The following BCR variants were observed in gnomAD, a reference collection of about 807,000 sequenced individuals.
The protein encoded by BCR is breakpoint cluster region protein.
A neutral mutation model predicts 138.6 loss-of-function variants in BCR; 58 were observed. The ratio of observed to expected loss-of-function variants is 0.42; its 90% CI spans 0.34 to 0.52. The LOEUF (loss-of-function observed/expected upper bound fraction) is 0.52. BCR is among the 20% of genes least tolerant of loss of function. BCR has a pLI of 0.06. For synonymous variants in BCR, 786 were observed against 730.1 expected (o/e 1.08, Z -1.23); for missense variants, 1,599 against 1,727.2 (o/e 0.93, Z 1.32).
chr22:23,307,687 C>G (rs1212218467), intron 16 of BCR: 2 of 151,270 alleles, frequency 1.3e-5, no homozygotes, highest in Non-Finnish European at 2.9e-5. Flanking sequence ...GTCCCGCCGC[C>G]CTTTGCTTCT....
intron 16 of BCR, chr22:23,302,819 T>C (rs1188955910): frequency 1.3e-5 from 2 of 152,186 alleles, no homozygotes; most frequent in Admixed American, 1.3e-4. Flanking sequence ...GCGTGAGTCA[T>C]GAATGCCCTT....
chr22:23,298,314 A>T (rs1568980077), intron 16 of BCR, among the ~76,000 whole-genome samples: 7 of 152,196 alleles, frequency 4.6e-5, no homozygotes, highest in Admixed American at 4.6e-4. Flanking sequence ...TAGCAAGGGC[A>T]GGGGGTTCTG....
intron 1 of BCR, among the ~76,000 whole-genome samples, chr22:23,246,039 C>T (rs544926592): frequency 6.6e-6 from 1 of 152,282 alleles, no homozygotes; most frequent in South Asian, 2.1e-4. Flanking sequence ...TGGAGTCATA[C>T]AACATGTGGC....
intron 1 of BCR, among the ~76,000 whole-genome samples, chr22:23,212,724 G>A (rs1307506772): frequency 6.6e-6 from 1 of 152,206 alleles, no homozygotes; most frequent in African/African-American, 2.4e-5. Flanking sequence ...GCTTCCATGG[G>A]CTGCTCACTC....
intron 1 of BCR, among the ~76,000 whole-genome samples, chr22:23,249,386 C>T (rs1009945976): frequency 7.3e-5 from 11 of 150,056 alleles, no homozygotes; most frequent in Admixed American, 7.3e-4. Context: ...GAGCCGAAAT[C>T]GCGCCACTGC....
At chr22:23,272,981 G>T in intron 6 of BCR, 100 bp from the exon 7 acceptor site, 1 of 1,330,666 alleles carries the variant, frequency 7.5e-7, no homozygotes, top group East Asian at 2.3e-5. Flanking sequence ...TGTGGAGGCT[G>T]GGGCAGCCCC....
intron 16 of BCR, among the ~76,000 whole-genome samples, chr22:23,295,473 T>G (rs911848771): frequency 6.6e-6 from 1 of 152,128 alleles, no homozygotes; most frequent in Non-Finnish European, 1.5e-5. Flanking sequence ...TTAGATGGTG[T>G]CCTAGGCTGA....
At chr22:23,251,494 A>G (rs983498000) in intron 1 of BCR, among the ~76,000 whole-genome samples, 1 of 152,206 alleles carries the variant, frequency 6.6e-6, no homozygotes, top group Non-Finnish European at 1.5e-5. Flanking sequence ...AGAGGTGTGC[A>G]AGGAAGCCGG....
At chr22:23,219,448 T>A (rs2072797128) in intron 1 of BCR, among the ~76,000 whole-genome samples, 1 of 152,236 alleles carries the variant, frequency 6.6e-6, no homozygotes, top group Non-Finnish European at 1.5e-5. Flanking sequence ...CCTTTGGCTG[T>A]GACCCTGTCC....
intron 1 of BCR, among the ~76,000 whole-genome samples, chr22:23,219,015 A>G (rs2330368): frequency 1 from 152,340 of 152,340 alleles, 76,170 homozygotes; most frequent in Non-Finnish European, 1. Flanking sequence ...GGAGCTGAGA[A>G]GGCCTGCGCT....
intron 1 of BCR, chr22:23,242,843 A>G (rs983110763): frequency 1.6e-4 from 74 of 455,586 alleles, no homozygotes; most frequent in African/African-American, 1.2e-3. Context: ...TCCCACATCA[A>G]GGTGTCCGCA....
Position 23,208,983 on chromosome 22 carries a change from A to G in BCR, c.1279+26744A>G, listed in dbSNP as rs1002267140. 2.6e-5 allele frequency among the ~76,000 whole-genome samples: 4 copies of G among 152,364 alleles called. 1 individual carries two copies. The South Asian group carries it at 6.2e-4, about 24-fold the overall frequency. Reference sequence around the variant, plus strand: ...AGGTACTTCATATGAGTGGATTCATATAGCCTTCGTCTTTTGTTCCTGGCT... The same window carrying G: ...AGGTACTTCATATGAGTGGATTCATGTAGCCTTCGTCTTTTGTTCCTGGCT... On this transcript the variant is annotated intron_variant, in intron 1 of 22. Transcript: ENST00000305877.
At chr22:23,265,652 C>T (rs1008211087) in intron 4 of BCR, among the ~76,000 whole-genome samples, 3 of 152,220 alleles carry the variant, frequency 2.0e-5, no homozygotes, top group Admixed American at 6.5e-5. Flanking sequence ...TTATTTCAAA[C>T]TTACAGGAGA....
At position 23,253,912 on chromosome 22, in the gene BCR, C is replaced by T. The variant is rs772780462; in HGVS notation, c.1393C>T (p.His465Tyr). Reference sequence around the variant, plus strand: ...TGATGACTCGCCCTCCTCATCGCCCCACCTCAGCAGCAAGGGCAGGGGCAG... The same window carrying T: ...TGATGACTCGCCCTCCTCATCGCCCTACCTCAGCAGCAAGGGCAGGGGCAG... ...YIDDSPSSSP[H>Y]LSSKGRGSRD... Residue 465 changes from histidine (H) to tyrosine (Y), a missense_variant, in exon 2 of 23, where the codon CAC (histidine) becomes TAC (tyrosine). Around this residue, in one of 4 missense-constraint regions of BCR, gnomAD observed 590 missense variants for 762.4 expected, o/e 0.77. Coordinates refer to ENST00000305877, the MANE Select transcript of BCR (RefSeq NM_004327.4). 6.2e-7 allele frequency: 1 copy of T among 1,613,204 alleles called. No homozygotes were observed. Among genetic ancestry groups the T allele is most frequent in the Non-Finnish European group, 8.5e-7 (1 of 1,179,974 alleles).
intron 16 of BCR, among the ~76,000 whole-genome samples, chr22:23,301,208 A>T (rs1016614942): frequency 3.9e-5 from 6 of 152,262 alleles, no homozygotes; most frequent in Non-Finnish European, 8.8e-5. Flanking sequence ...CGGGAAGCCA[A>T]GGTAGGAGAA....
Position 23,181,340 on chromosome 22 carries a change from G to A in BCR, c.380G>A (p.Arg127Lys). 6.7e-7 allele frequency: 1 copy of A among 1,481,698 alleles called. No individual in the cohort carries two copies. Among genetic ancestry groups the A allele is most frequent in the Non-Finnish European group, 8.9e-7 (1 of 1,123,156 alleles). 91.8% of individuals were successfully genotyped at this position (1,481,698 alleles called of 1,614,324 possible). A position where few individuals can be genotyped will look rare whatever the true frequency, so the allele number is the denominator to read the frequency against. ...GGCGAGGGTTCTCCGGGTAAGGCCA[G>A]GCCCGGGACCGCCCGCAGGCCCGGG... is the stretch of plus-strand genomic sequence containing the variant. The part of the protein sequence containing the change: ...PDGEGSPGKA[R>K]PGTARRPGAA... Residue 127 changes from arginine to lysine, a missense_variant, in exon 1 of 23, where the codon AGG (arginine) becomes AAG (lysine). Physicochemically the swap from Arg to Lys is conservative, Grantham distance 26. This residue lies in a region of BCR where 806 missense variants were observed against 635.0 expected (regional missense o/e 1.27). Coordinates refer to ENST00000305877, the MANE Select transcript of BCR (RefSeq NM_004327.4).
chr22:23,189,288 C>G (rs1488517748), intron 1 of BCR, among the ~76,000 whole-genome samples: 1 of 152,200 alleles, frequency 6.6e-6, no homozygotes, highest in African/African-American at 2.4e-5. Context: ...TCTTCCCAAA[C>G]TGAAACTTCA....
intron 1 of BCR, among the ~76,000 whole-genome samples, chr22:23,226,301 T>C (rs989973516): frequency 7.4e-6 from 1 of 135,500 alleles, no homozygotes. Flanking sequence ...TGGCATTAAG[T>C]GTATGAGAGA....
At chr22:23,260,890 C>G (rs1301877312) in intron 2 of BCR, 60 bp from the exon 3 acceptor site, 1 of 1,500,326 alleles carries the variant, frequency 6.7e-7, no homozygotes, top group Admixed American at 1.7e-5. Flanking sequence ...CTCAGAGGGC[C>G]CTGATGGAAG....
Sources: gnomAD v4.1 joint callset for allele counts (sites outside exome capture counted in the v4.1 genomes callset) on GRCh38, gnomAD v4.1.1 for gene constraint, gnomAD v4.1.1 regional missense constraint, MANE v1.5 for transcripts, NCBI Gene and HGNC (gene_info 2026-07-23, HGNC 2026-07-21) for gene names.